Variants in ARHGAP29 observed in about 807,000 individuals in gnomAD.
ARHGAP29 encodes rho GTPase-activating protein 29.
ARHGAP29 carries 43 observed loss-of-function variants against 122.6 expected under a neutral mutation model. The ratio of observed to expected loss-of-function variants is 0.35; its 90% CI spans 0.27 to 0.45. The LOEUF (loss-of-function observed/expected upper bound fraction) is 0.45. Among genes scored for constraint, ARHGAP29 ranks in the 20% least tolerant of loss-of-function variants. The probability of loss-of-function intolerance (pLI) is 1.00; values close to 1 mark genes in which losing one functional copy is unlikely to be tolerated. For synonymous variants in ARHGAP29, 506 were observed against 497.1 expected, an observed-to-expected ratio of 1.02 and a Z score of -0.24; for missense variants, 1,303 against 1,477.2, an observed-to-expected ratio of 0.88 and a Z score of 1.93.
intron 1 of ARHGAP29, among the ~76,000 whole-genome samples, chr1:94,265,243 C>A (rs1376718143): frequency 6.6e-6 from 1 of 152,198 alleles, no homozygotes; most frequent in Non-Finnish European, 1.5e-5. Flanking sequence ...TATCTCAGTG[C>A]CCAGTTTGGC....
upstream of ARHGAP29, among the ~76,000 whole-genome samples, chr1:94,240,038 G>C (rs1459006077): frequency 6.6e-6 from 1 of 152,190 alleles, no homozygotes; most frequent in Non-Finnish European, 1.5e-5. Flanking sequence ...AGGCCAAGGA[G>C]AGTGGGGTTG....
At chr1:94,179,698 A>C (rs1428643213) in intron 20 of ARHGAP29, 27 bp downstream of exon 20, 1 of 1,436,004 alleles carries the variant, frequency 7.0e-7, no homozygotes, top group Non-Finnish European at 9.6e-7. Flanking sequence ...CCCATTAATA[A>C]ATGTTCTAGT....
chr1:94,306,001 G>A, the ARHGAP29 span, among the ~76,000 whole-genome samples: 1 of 152,244 alleles, frequency 6.6e-6, no homozygotes, highest in East Asian at 1.9e-4. Flanking sequence ...AGAATTGCAT[G>A]AGACCAGCTT....
intron 3 of ARHGAP29, among the ~76,000 whole-genome samples, chr1:94,215,104 G>GAAAAAAAAAAAAAAAAAA (rs199693229): frequency 8.4e-5 from 7 of 83,650 alleles, no homozygotes; most frequent in Middle Eastern, 8.1e-3. Context: ...GCATGAAAAG[G>GAAAAAAAAAAAAAAAAAA]AAAAAAAAAA....
chr1:94,290,430 T>C, the ARHGAP29 span, among the ~76,000 whole-genome samples: 14 of 152,220 alleles, frequency 9.2e-5, no homozygotes, highest in Admixed American at 2.0e-4. Context: ...CCTTCAGTCC[T>C]GCTCTGATCT....
the ARHGAP29 span, among the ~76,000 whole-genome samples, chr1:94,313,482 A>G: frequency 1.3e-5 from 2 of 152,196 alleles, no homozygotes; most frequent in Admixed American, 1.3e-4. Flanking sequence ...TCAGGAAACA[A>G]CAGATGCTGG....
chr1:94,313,574 T>C, the ARHGAP29 span, among the ~76,000 whole-genome samples: 1 of 152,070 alleles, frequency 6.6e-6, no homozygotes, highest in Non-Finnish European at 1.5e-5. Flanking sequence ...GACAGTGTGG[T>C]ACAAGGATCT....
chr1:94,266,617 G>C (rs1654782705), intron 1 of ARHGAP29, among the ~76,000 whole-genome samples: 1 of 152,154 alleles, frequency 6.6e-6, no homozygotes, highest in Non-Finnish European at 1.5e-5. Flanking sequence ...GTAGAACACA[G>C]AGAGAGGCTG....
intron 3 of ARHGAP29, among the ~76,000 whole-genome samples, chr1:94,209,997 A>C (rs1032900272): frequency 2.0e-5 from 3 of 152,232 alleles, no homozygotes; most frequent in Non-Finnish European, 4.4e-5. Flanking sequence ...TTTGTTTACA[A>C]TAGAGATATT....
At chr1:94,291,728 T>C in the ARHGAP29 span, among the ~76,000 whole-genome samples, 151,825 of 152,276 alleles carry the variant, frequency 1, 75,692 homozygotes, top group Middle Eastern at 1. Context: ...TTTGGCTGGA[T>C]ATGAAATTCT....
intron 16 of ARHGAP29, among the ~76,000 whole-genome samples, chr1:94,186,078 T>A (rs749711948): frequency 2.0e-5 from 3 of 152,226 alleles, no homozygotes; most frequent in Non-Finnish European, 2.9e-5. Context: ...TTTAACTTTA[T>A]CCTTCAACAT....
At chr1:94,182,811 TAAAACAAAAC>T (rs55980639) in intron 19 of ARHGAP29, among the ~76,000 whole-genome samples, 2,185 of 148,868 alleles carry the variant, frequency 0.015, 49 homozygotes, top group African/African-American at 0.047. Context: ...AACAGGAGAA[TAAAACAAAAC>T]AAAACAAAAC....
At position 94,231,408 on chromosome 1, in the gene ARHGAP29, T is replaced by C. The variant is rs139004952; in HGVS notation, c.204A>G (p.Ser68=). The change falls in exon 2 of 23, where the codon TCA becomes TCG. Residue 68 remains serine, a splice_region_variant and synonymous_variant. Transcript: ENST00000260526. Reference sequence around the variant, plus strand: ...AATGCTAATAGAAAAGTGACAAACCTGAAAATATGGCTTCTTTCAAATATA... The same window carrying C: ...AATGCTAATAGAAAAGTGACAAACCCGAAAATATGGCTTCTTTCAAATATA... ...MLLYLKEAIF[S]DCFKEVIHIR... is the part of the protein sequence containing the mutation. The C allele has an allele frequency of 1.9e-6, 3 of 1,611,640 alleles. No homozygotes were observed. The highest frequency in any genetic ancestry group is 2.7e-5 in the African/African-American group (2 of 74,830).
intron 1 of ARHGAP29, among the ~76,000 whole-genome samples, chr1:94,254,365 C>G (rs1654242426): frequency 6.6e-6 from 1 of 152,152 alleles, no homozygotes; most frequent in Non-Finnish European, 1.5e-5. Context: ...GATGAAATAC[C>G]TGTTACATAA....
intron 1 of ARHGAP29, among the ~76,000 whole-genome samples, chr1:94,233,817 T>G (rs1170186755): frequency 6.6e-6 from 1 of 152,240 alleles, no homozygotes; most frequent in Non-Finnish European, 1.5e-5. Flanking sequence ...TATGTGAGTT[T>G]TTAAAAATTC....
chr1:94,288,171 G>A, the ARHGAP29 span, among the ~76,000 whole-genome samples: 4 of 152,194 alleles, frequency 2.6e-5, no homozygotes, highest in African/African-American at 7.2e-5. Context: ...GTTTCCTGAC[G>A]TTTTAATGAT....
intron 3 of ARHGAP29, among the ~76,000 whole-genome samples, chr1:94,213,188 C>T (rs935520391): frequency 2.0e-5 from 3 of 152,018 alleles, no homozygotes; most frequent in African/African-American, 7.3e-5. Flanking sequence ...TTTTTCTTTT[C>T]TTGTTTTCTG....
In ARHGAP29 at chr1:94,202,552, G is replaced by A. The variant is rs1258577148; in HGVS notation, c.1135C>T (p.Leu379Phe). Residue 379 changes from leucine (L) to phenylalanine (F), a missense_variant, in exon 11 of 23, where the codon CTC (leucine) becomes TTC (phenylalanine). Leu to Phe is a conservative substitution (Grantham distance 22). Transcript: ENST00000260526. Reference sequence around the variant, plus strand: ...AAGAAAAAGATCGTTACTTTTTGGAGAGCCTCCTCTTCCAACCTTCGCTTT... The same window carrying A: ...AAGAAAAAGATCGTTACTTTTTGGAAAGCCTCCTCTTCCAACCTTCGCTTT... Reference protein sequence around the residue: ...EKKRRLEEEALQKVEEANELY... With the variant: ...EKKRRLEEEAFQKVEEANELY... 1.9e-6 allele frequency: 3 copies of A among 1,613,550 alleles called. No homozygotes were observed. Among genetic ancestry groups the A allele is most frequent in the South Asian group, 1.1e-5 (1 of 90,906 alleles).
chr1:94,231,954 T>C (rs1217377671), intron 1 of ARHGAP29, among the ~76,000 whole-genome samples: 3 of 152,144 alleles, frequency 2.0e-5, no homozygotes, highest in Non-Finnish European at 4.4e-5. Context: ...CAACTGATAA[T>C]GAACTAGGAC....
Sources: allele counts gnomAD v4.1 joint callset (sites outside exome capture counted in the v4.1 genomes callset), GRCh38; gene constraint gnomAD v4.1.1; transcripts MANE v1.5; gene names NCBI Gene and HGNC (gene_info 2026-07-23, HGNC 2026-07-21).